STXBP5L: variants seen among roughly 807,000 people sequenced by gnomAD.
The protein encoded by STXBP5L is syntaxin-binding protein 5-like.
STXBP5L carries 65 observed loss-of-function variants against 144.5 expected under a neutral mutation model. The observed-to-expected ratio is 0.45, with a 90% confidence interval of 0.37 to 0.55. The LOEUF (loss-of-function observed/expected upper bound fraction) is 0.55, where lower values mean the gene tolerates loss of function less well. Ranked by LOEUF, STXBP5L falls within the 20% of genes least tolerant of loss-of-function variation. The pLI is 0.00. For missense variants in STXBP5L, 1,298 were observed against 1,405.5 expected (o/e 0.92, Z 1.22); for synonymous variants, 505 against 469.6 (o/e 1.08, Z -0.97).
intron 5 of STXBP5L, among the ~76,000 whole-genome samples, chr3:121,056,360 A>T (rs1948460365): frequency 6.6e-6 from 1 of 152,206 alleles, no homozygotes; most frequent in South Asian, 2.1e-4. Flanking sequence ...CGATATACAG[A>T]CCCTTAAATT....
chr3:120,998,662 T>A (rs1430465094), intron 3 of STXBP5L, among the ~76,000 whole-genome samples: 1 of 152,130 alleles, frequency 6.6e-6, no homozygotes, highest in Non-Finnish European at 1.5e-5. Context: ...GTTAGTTTGC[T>A]GCAAAGTTTT....
In STXBP5L at chr3:121,395,934, C is replaced by G. The variant is rs1022117707; in HGVS notation, c.2588-11309C>G. On this transcript the variant is annotated intron_variant, in intron 22 of 26. Transcript: ENST00000471454. ...GGGGTCCTCGGGATCCTCCCAGAAT[C>G]TCTTCCTCGGCATCTGGCTTATGAA... 3.3e-5 allele frequency among the ~76,000 whole-genome samples: 5 copies of G among 152,236 alleles called. No homozygotes were observed. In the South Asian group the frequency reaches 1.0e-3, roughly 32 times the overall value.
intron 20 of STXBP5L, among the ~76,000 whole-genome samples, chr3:121,328,808 G>A (rs1225802977): frequency 6.6e-6 from 1 of 151,974 alleles, no homozygotes; most frequent in African/African-American, 2.4e-5. Context: ...AACCTACCAT[G>A]GAGAAAAGCA....
intron 20 of STXBP5L, among the ~76,000 whole-genome samples, chr3:121,350,040 T>C (rs935910441): frequency 1.3e-5 from 2 of 152,126 alleles, no homozygotes; most frequent in South Asian, 2.1e-4. Flanking sequence ...GTTGATGCAG[T>C]TTCTCCCTAG....
intron 3 of STXBP5L, among the ~76,000 whole-genome samples, chr3:121,029,612 T>C (rs1474710824): frequency 2.0e-5 from 3 of 152,108 alleles, no homozygotes. Context: ...ATTCAGGACA[T>C]AGGCATGGGC....
At chr3:121,213,640 T>C (rs2048665473) in intron 10 of STXBP5L, among the ~76,000 whole-genome samples, 1 of 150,646 alleles carries the variant, frequency 6.6e-6, no homozygotes. Context: ...ATTTTTGCAT[T>C]GATGTTCATC....
Position 121,015,097 on chromosome 3 carries a change from A to C in STXBP5L, c.288-26603A>C, listed in dbSNP as rs143423745. Among the ~76,000 whole-genome samples, 1,333 of 152,218 alleles carry C rather than the reference A, an allele frequency of 8.8e-3. 16 individuals are homozygous for C. The highest frequency in any genetic ancestry group is 0.031 in the African/African-American group (1,277 of 41,558). Reference sequence around the variant, plus strand: ...TAAGAGGTTCTTTCCAAATTGCTAGAGATTCAATCCAATCCTAATCATGAT... The same window carrying C: ...TAAGAGGTTCTTTCCAAATTGCTAGCGATTCAATCCAATCCTAATCATGAT... On this transcript the variant is annotated intron_variant, in intron 3 of 26. Transcript: ENST00000471454.
intron 11 of STXBP5L, among the ~76,000 whole-genome samples, chr3:121,228,435 T>G (rs2049191459): frequency 6.6e-6 from 1 of 152,140 alleles, no homozygotes; most frequent in Admixed American, 6.5e-5. Context: ...TTTCTGGACC[T>G]TCAGGATAAA....
chr3:121,163,770 G>GT (rs767965769), intron 9 of STXBP5L, among the ~76,000 whole-genome samples: 7,122 of 146,974 alleles, frequency 0.048, 197 homozygotes, highest in Non-Finnish European at 0.059. Context: ...AATATATCAT[G>GT]TTTTTTTTTT....
intron 5 of STXBP5L, among the ~76,000 whole-genome samples, chr3:121,106,287 A>T (rs1330327166): frequency 6.6e-6 from 1 of 152,194 alleles, no homozygotes; most frequent in Non-Finnish European, 1.5e-5. Flanking sequence ...TGTGAAGGAC[A>T]TCCAGGTTTG....
chr3:121,118,171 C>T (rs1340975969), intron 6 of STXBP5L, among the ~76,000 whole-genome samples: 1 of 151,602 alleles, frequency 6.6e-6, no homozygotes, highest in East Asian at 1.9e-4. Context: ...CCTCCTGGGA[C>T]TTCCAGTTTA....
chr3:121,294,920 C>G (rs2051589473), intron 19 of STXBP5L, among the ~76,000 whole-genome samples: 1 of 151,900 alleles, frequency 6.6e-6, no homozygotes, highest in Non-Finnish European at 1.5e-5. Context: ...TGTTAGTGAC[C>G]CTTTAAAAAG....
At chr3:120,970,350 G>A (rs1288694326) in intron 3 of STXBP5L, among the ~76,000 whole-genome samples, 1 of 151,940 alleles carries the variant, frequency 6.6e-6, no homozygotes, top group Non-Finnish European at 1.5e-5. Context: ...ATAGCTTTTA[G>A]TATTTCTTGT....
chr3:121,160,752 G>A (rs1039709503), intron 9 of STXBP5L, among the ~76,000 whole-genome samples: 9 of 151,792 alleles, frequency 5.9e-5, no homozygotes, highest in South Asian at 2.1e-4. Flanking sequence ...TGTGGGTCCC[G>A]TCATATTTTT....
intron 7 of STXBP5L, among the ~76,000 whole-genome samples, chr3:121,135,199 G>A (rs1031767351): frequency 1.3e-5 from 2 of 152,164 alleles, no homozygotes; most frequent in Non-Finnish European, 2.9e-5. Context: ...CTTCATAAAT[G>A]TCTTCTTTTG....
intron 25 of STXBP5L, 121 bp from the exon 26 acceptor site, chr3:121,418,216 G>C: frequency 2.6e-6 from 3 of 1,157,398 alleles, no homozygotes; most frequent in Non-Finnish European, 3.6e-6. Flanking sequence ...GACCAAATAA[G>C]ACTCTCTTTT....
chr3:121,096,369 C>G (rs997538076), intron 5 of STXBP5L, among the ~76,000 whole-genome samples: 2 of 152,282 alleles, frequency 1.3e-5, no homozygotes, highest in Non-Finnish European at 2.9e-5. Flanking sequence ...GTTAATCAAA[C>G]TCATTCTCCA....
At chr3:121,240,850 A>G (rs2049642246) in intron 14 of STXBP5L, among the ~76,000 whole-genome samples, 1 of 152,188 alleles carries the variant, frequency 6.6e-6, no homozygotes, top group African/African-American at 2.4e-5. Context: ...ACTGCTCTGT[A>G]TCTGTACGAG....
At chr3:121,297,546 G>C (rs1329352780) in intron 19 of STXBP5L, among the ~76,000 whole-genome samples, 1 of 152,106 alleles carries the variant, frequency 6.6e-6, no homozygotes, top group Non-Finnish European at 1.5e-5. Flanking sequence ...CTGAGGTCAG[G>C]AGGTCCAGAC....
Sources: gnomAD v4.1 joint callset for allele counts (sites outside exome capture counted in the v4.1 genomes callset) on GRCh38, gnomAD v4.1.1 for gene constraint, MANE v1.5 for transcripts, NCBI Gene and HGNC (gene_info 2026-07-23, HGNC 2026-07-21) for gene names.